SLC16A3: variants seen among roughly 807,000 people sequenced by gnomAD.
The protein encoded by SLC16A3 is monocarboxylate transporter 4.
SLC16A3 carries 22 observed loss-of-function variants against 25.0 expected under a neutral mutation model. The ratio of observed to expected loss-of-function variants is 0.88; its 90% CI spans 0.63 to 1.26. The LOEUF (loss-of-function observed/expected upper bound fraction) is 1.26. Ranked by LOEUF, SLC16A3 falls within the 50% of genes most tolerant of loss-of-function variation. The pLI, the probability that SLC16A3 is intolerant of heterozygous loss-of-function variation, is 0.00. For synonymous variants in SLC16A3, 390 were observed against 309.2 expected (o/e 1.26, Z -2.74); for missense variants, 731 against 666.6 (o/e 1.10, Z -1.06).
chr17:82,237,435 T>C lies in SLC16A3; in HGVS notation c.665T>C (p.Val222Ala). The change falls in exon 4 of 5, where the codon GTC becomes GCC. Residue 222 changes from valine (V) to alanine (A), a missense_variant. Physicochemically the swap from Val to Ala is moderately conservative, Grantham distance 64. Coordinates refer to ENST00000582743, the MANE Select transcript of SLC16A3 (RefSeq NM_004207.4). ...RPSRRLLDLSVFRDRGFVLYA... is the reference protein window; with the variant it reads ...RPSRRLLDLSAFRDRGFVLYA... The stretch of plus-strand genomic sequence containing the variant: ...TCCCGGCGCCTGCTAGACCTGAGCG[T>C]CTTCCGGGACCGCGGCTTTGTGCTT... 6.3e-7 allele frequency: 1 copy of C among 1,589,802 alleles called. No homozygotes were observed. The highest frequency in any genetic ancestry group is 1.7e-4 in the Middle Eastern group (1 of 6,032).
chr17:82,219,657 G>T (rs557015478), intron 1 of SLC16A3, among the ~76,000 whole-genome samples: 32 of 152,206 alleles, frequency 2.1e-4, no homozygotes, highest in Admixed American at 5.9e-4. Flanking sequence ...CCACTGCTTG[G>T]CCCCGCCTCT....
exon 1 of SLC16A3, among the ~76,000 whole-genome samples, chr17:82,218,139 G>A (rs574141949): frequency 4.6e-5 from 7 of 152,348 alleles, no homozygotes; most frequent in African/African-American, 1.7e-4. Context: ...AGGTTGAGAC[G>A]TAGGGTAGCT....
chr17:82,237,039 C>A (rs2050620519), intron 3 of SLC16A3, 99 bp from the exon 4 acceptor site: 1 of 1,455,214 alleles, frequency 6.9e-7, no homozygotes, highest in Non-Finnish European at 9.1e-7. Flanking sequence ...GGGCTCTGCA[C>A]CCTGGGAGCC....
At chr17:82,230,951 C>T (rs901390902) in intron 1 of SLC16A3, 8 of 152,258 alleles carry the variant, frequency 5.3e-5, no homozygotes, top group Non-Finnish European at 8.8e-5. Context: ...GCCCACTGGT[C>T]CCACCTCTGC....
chr17:82,222,061 C>G (rs8071348), intron 1 of SLC16A3, among the ~76,000 whole-genome samples: 145 of 103,900 alleles, frequency 1.4e-3, no homozygotes, highest in Middle Eastern at 8.2e-3. Context: ...CGTTCGTGGA[C>G]AGGAGCCTCG....
At chr17:82,226,773 A>G (rs2050424770), upstream of SLC16A3, among the ~76,000 whole-genome samples, 1 of 152,010 alleles carries the variant, frequency 6.6e-6, no homozygotes, top group African/African-American at 2.4e-5. Context: ...GAATCCTCGG[A>G]GAGGGGCCCA....
intron 4 of SLC16A3, among the ~76,000 whole-genome samples, chr17:82,238,306 G>A (rs955692991): frequency 5.3e-5 from 8 of 152,236 alleles, no homozygotes; most frequent in African/African-American, 1.9e-4. Context: ...CCTGCCTGGC[G>A]AGGGGGTCCT....
At chr17:82,232,609 G>C (rs1226821075) in intron 1 of SLC16A3, among the ~76,000 whole-genome samples, 2 of 152,348 alleles carry the variant, frequency 1.3e-5, no homozygotes, top group Admixed American at 1.3e-4. Context: ...CCCAGGTCCT[G>C]AGGACTTCAT....
At chr17:82,238,171 C>T (rs558805548) in intron 4 of SLC16A3, among the ~76,000 whole-genome samples, 14 of 152,352 alleles carry the variant, frequency 9.2e-5, no homozygotes, top group Non-Finnish European at 1.9e-4. Flanking sequence ...CTGGGCACCA[C>T]GCGGCAGCTC....
At chr17:82,238,093 C>T (rs1044617587) in intron 4 of SLC16A3, among the ~76,000 whole-genome samples, 200 bp downstream of exon 4, 5 of 152,128 alleles carry the variant, frequency 3.3e-5, no homozygotes, top group African/African-American at 1.2e-4. Flanking sequence ...CCGTCCGGCA[C>T]AGTGTGTCCA....
chr17:82,227,579 A>T (rs1353422691), upstream of SLC16A3, among the ~76,000 whole-genome samples: 8 of 139,946 alleles, frequency 5.7e-5, no homozygotes, highest in African/African-American at 1.8e-4. Context: ...TGGGAGCACC[A>T]CCTGCCCTGG....
At position 82,240,040 on chromosome 17, in the gene SLC16A3, A is replaced by G; in HGVS notation, c.*1064A>G. ...GCCCTGGCGGGCCGCGTGCAGCCGG[A>G]GAGATGCCATGTCCCTGCTCCTCTG... On this transcript the variant is annotated 3_prime_UTR_variant, in exon 5 of 5. Transcript: ENST00000582743. The G allele has an allele frequency of 3.2e-6, 4 of 1,233,794 alleles. No individual in the cohort carries two copies. The South Asian group carries it at 1.6e-4, about 50-fold the overall frequency. 76.4% of individuals were successfully genotyped at this position (1,233,794 alleles called of 1,614,324 possible).
chr17:82,226,873 G>A (rs962336743), upstream of SLC16A3, among the ~76,000 whole-genome samples: 60 of 152,248 alleles, frequency 3.9e-4, no homozygotes, highest in Non-Finnish European at 1.6e-4. Flanking sequence ...TGATAGCTGC[G>A]CTGCCTGTTT....
chr17:82,226,324 C>T (rs962235605), upstream of SLC16A3, among the ~76,000 whole-genome samples: 2 of 152,250 alleles, frequency 1.3e-5, no homozygotes. Flanking sequence ...CAGAAAAGGG[C>T]GGCCTGGGCC....
rs1568537585 is a variant in SLC16A3 at position 82,235,983 on chromosome 17, G to T, written c.-26G>T. ...TGAGTCAGCCTGCTTTCTCTCTCAG[G>T]TGAGGCGGAACCAACCCTCCTGGCC... On this transcript the variant is annotated splice_region_variant and 5_prime_UTR_variant, in exon 2 of 5. Coordinates refer to ENST00000582743, the MANE Select transcript of SLC16A3 (RefSeq NM_004207.4). 1 of 1,592,286 alleles carries T rather than the reference G, an allele frequency of 6.3e-7. No individual in the cohort carries two copies. The highest frequency in any genetic ancestry group is 8.6e-7 in the Non-Finnish European group (1 of 1,167,484).
Position 82,237,384 on chromosome 17 carries a change from A to G in SLC16A3, c.614A>G (p.Gln205Arg), listed in dbSNP as rs112287440. The G allele has an allele frequency of 1.5e-5, 23 of 1,546,028 alleles. No homozygotes were observed. Among genetic ancestry groups the G allele is most frequent in the Middle Eastern group, 1.7e-4 (1 of 5,730 alleles). ...ATGAGGCCCCTGGTGGTCACGGCCC[A>G]GCCGGGCTCGGGGCCGCCGCGACCC... is the stretch of plus-strand genomic sequence containing the variant. ...ALMRPLVVTA[Q>R]PGSGPPRPSR... The change falls in exon 4 of 5, where the codon CAG (glutamine) becomes CGG (arginine). Residue 205 changes from glutamine to arginine, a missense_variant. By Grantham distance (43) the Gln-to-Arg change is conservative. Coordinates refer to ENST00000582743, the MANE Select transcript of SLC16A3 (RefSeq NM_004207.4).
Position 82,236,060 on chromosome 17 carries a change from G to T in SLC16A3, c.52G>T (p.Gly18Cys). The T allele has an allele frequency of 2.5e-6, 4 of 1,612,802 alleles. No homozygotes were observed. The highest frequency in any genetic ancestry group is 2.2e-5 in the East Asian group (1 of 44,880). ...CCCCACAGGCGTCAAGGCCCCTGACGGCGGCTGGGGCTGGGCCGTGCTCTT... is the reference window on the plus strand; with the variant it reads ...CCCCACAGGCGTCAAGGCCCCTGACTGCGGCTGGGGCTGGGCCGTGCTCTT... ...EGPTGVKAPD[G>C]GWGWAVLFGC... is the part of the protein sequence containing the mutation. The change falls in exon 2 of 5, where the codon GGC becomes TGC. Residue 18 changes from glycine (G) to cysteine (C), a missense_variant. By Grantham distance (159) the Gly-to-Cys change is radical. Coordinates refer to ENST00000582743, the MANE Select transcript of SLC16A3 (RefSeq NM_004207.4).
chr17:82,231,859 T>C (rs1019427620), intron 1 of SLC16A3: 5 of 151,558 alleles, frequency 3.3e-5, no homozygotes, highest in African/African-American at 1.2e-4. Context: ...GCGCGAGGGG[T>C]CTGCGGGGGT....
chr17:82,237,648 A>C lies in SLC16A3; in HGVS notation c.878A>C (p.Tyr293Ser), dbSNP rs751794791. ...FVAGLGKVRP[Y>S]SVYLFSFSMF... ...GCGGGGCTTGGGAAGGTGCGGCCCT[A>C]CTCCGTCTACCTCTTCAGCTTCTCC... The change falls in exon 4 of 5, where the codon TAC becomes TCC. Residue 293 changes from tyrosine to serine, a missense_variant. Tyr to Ser is a moderately radical substitution (Grantham distance 144, BLOSUM62 -2). Coordinates refer to ENST00000582743, the MANE Select transcript of SLC16A3 (RefSeq NM_004207.4). 36 of 1,612,284 alleles carry C rather than the reference A, an allele frequency of 2.2e-5. 1 individual carries two copies. In the South Asian group the frequency reaches 3.8e-4, roughly 17 times the overall value.
Sources: gnomAD v4.1 joint callset for allele counts (sites outside exome capture counted in the v4.1 genomes callset) on GRCh38, gnomAD v4.1.1 for gene constraint, MANE v1.5 for transcripts, NCBI Gene and HGNC (gene_info 2026-07-23, HGNC 2026-07-21) for gene names.